ANKRD36: variants seen among roughly 807,000 people sequenced by gnomAD.
The protein encoded by ANKRD36 is ankyrin repeat domain 36, also known as ankyrin repeat domain-containing protein 36A.
In ANKRD36, 179 loss-of-function variants were observed where a neutral mutation model predicts 278.1. The observed-to-expected ratio is 0.64, with a 90% CI of 0.57 to 0.73. The LOEUF (loss-of-function observed/expected upper bound fraction) is 0.73, where lower values mean the gene tolerates loss of function less well. Ranked by LOEUF, ANKRD36 falls within the 30% of genes least tolerant of loss-of-function variation. ANKRD36 has a pLI of 0.00. For synonymous variants in ANKRD36, 320 were observed against 641.1 expected, an observed-to-expected ratio of 0.50 and a Z score of 7.57; for missense variants, 1,159 against 1,956.7, an observed-to-expected ratio of 0.59 and a Z score of 7.69.
At chr2:97,211,050 T>C (rs1428853190) in intron 56 of ANKRD36, among the ~76,000 whole-genome samples, 2 of 151,868 alleles carry the variant, frequency 1.3e-5, no homozygotes, top group Non-Finnish European at 2.9e-5. Context: ...ACTGAAGAGA[T>C]GTGAAGTGTA....
At chr2:97,185,222 A>G (rs2057139671) in intron 28 of ANKRD36, 94 bp from the exon 29 acceptor site, 1 of 1,499,098 alleles carries the variant, frequency 6.7e-7, no homozygotes, top group Non-Finnish European at 9.2e-7. Flanking sequence ...TAATACAGGC[A>G]GGAGCATACA....
chr2:97,231,785 A>G (rs1291066052), intron 67 of ANKRD36, among the ~76,000 whole-genome samples: 4 of 152,128 alleles, frequency 2.6e-5, no homozygotes, highest in African/African-American at 9.6e-5. Flanking sequence ...TGGCTGCCAG[A>G]CAAAGAATTT....
chr2:97,198,118 C>T (rs1261567965), intron 42 of ANKRD36, among the ~76,000 whole-genome samples: 1 of 151,900 alleles, frequency 6.6e-6, no homozygotes, highest in Admixed American at 6.6e-5. Context: ...GTAGCACCTG[C>T]TTTGACATTG....
chr2:97,192,937 A>G, intron 37 of ANKRD36, 44 bp from the exon 38 acceptor site: 1 of 1,595,164 alleles, frequency 6.3e-7, no homozygotes, highest in Non-Finnish European at 8.5e-7. Flanking sequence ...TGGTCTATGA[A>G]ACATACTTTA....
In ANKRD36 at chr2:97,113,695, G is replaced by A. The variant is rs1411713683; in HGVS notation, c.-45G>A. ...TCTTCGGAGGCGGCGATCCCCGAAGGCGAGCTGAAATACGGCTGCAGGCTA... is the reference window on the plus strand; with the variant it reads ...TCTTCGGAGGCGGCGATCCCCGAAGACGAGCTGAAATACGGCTGCAGGCTA... On this transcript the variant is annotated 5_prime_UTR_variant, in exon 1 of 76. Transcript: ENST00000420699. 1.2e-6 allele frequency: 2 copies of A among 1,610,512 alleles called. No homozygotes were observed. The highest frequency in any genetic ancestry group is 1.3e-5 in the African/African-American group (1 of 74,808).
intron 22 of ANKRD36, among the ~76,000 whole-genome samples, chr2:97,178,471 A>C (rs1228120648): frequency 1.3e-5 from 2 of 151,882 alleles, no homozygotes; most frequent in African/African-American, 4.8e-5. Context: ...AATGTGGCAC[A>C]TATACACCAT....
chr2:97,229,596 G>C (rs1189511764), intron 67 of ANKRD36, among the ~76,000 whole-genome samples: 1 of 152,072 alleles, frequency 6.6e-6, no homozygotes, highest in Non-Finnish European at 1.5e-5. Context: ...TATCCAATTT[G>C]CCAGTCTGTG....
intron 58 of ANKRD36, chr2:97,213,127 T>A (rs2065106314): frequency 2.6e-6 from 1 of 385,240 alleles, no homozygotes; most frequent in African/African-American, 2.1e-5. Flanking sequence ...TTAGATCACA[T>A]TTGTCCTCAT....
chr2:97,151,925 G>C lies in ANKRD36; in HGVS notation c.1148G>C (p.Arg383Pro). Residue 383 changes from arginine to proline, a missense_variant, in exon 13 of 76, where the codon CGA (arginine) becomes CCA (proline). Transcript: ENST00000420699. Reference sequence around the variant, plus strand: ...CCAAAGAGAAAGATTATTTCTCCACGATCTATAAAAGATGGTAAGTTATTT... The same window carrying C: ...CCAAAGAGAAAGATTATTTCTCCACCATCTATAAAAGATGGTAAGTTATTT... ...YIPKRKIISP[R>P]SIKDVLPPVE... The C allele has an allele frequency of 6.9e-7, 1 of 1,451,198 alleles. No homozygotes were observed. Among genetic ancestry groups the C allele is most frequent in the South Asian group, 1.2e-5 (1 of 80,866 alleles). 89.9% of individuals were successfully genotyped at this position (1,451,198 alleles called of 1,614,324 possible). A position where few individuals can be genotyped will look rare whatever the true frequency, so the allele number is the denominator to read the frequency against.
At chr2:97,197,457 A>G (rs1462885880) in intron 42 of ANKRD36, among the ~76,000 whole-genome samples, 1 of 151,964 alleles carries the variant, frequency 6.6e-6, no homozygotes, top group Non-Finnish European at 1.5e-5. Flanking sequence ...TGTTACTGTT[A>G]GACATCAGAG....
intron 67 of ANKRD36, among the ~76,000 whole-genome samples, chr2:97,231,565 C>A (rs1438327241): frequency 6.6e-6 from 1 of 152,132 alleles, no homozygotes; most frequent in African/African-American, 2.4e-5. Context: ...GGAAAGGGAA[C>A]TCCCTGACCC....
intron 54 of ANKRD36, among the ~76,000 whole-genome samples, chr2:97,208,683 A>C (rs1364289404): frequency 1.4e-5 from 2 of 146,590 alleles, no homozygotes; most frequent in Non-Finnish European, 3.0e-5. Context: ...GAGGCATCAG[A>C]GATACATGTT....
intron 54 of ANKRD36, among the ~76,000 whole-genome samples, chr2:97,209,181 G>T (rs1247675630): frequency 6.8e-6 from 1 of 146,596 alleles, no homozygotes; most frequent in Non-Finnish European, 1.5e-5. Context: ...TTCCACTGAA[G>T]AGATGTGAAG....
chr2:97,168,269 T>C (rs1171528183), intron 22 of ANKRD36, among the ~76,000 whole-genome samples: 1 of 152,284 alleles, frequency 6.6e-6, no homozygotes, highest in African/African-American at 2.4e-5. Context: ...GCGCTTTTGT[T>C]TGTGAGTTTG....
intron 46 of ANKRD36, 110 bp downstream of exon 46, chr2:97,200,635 C>G (rs1229143608): frequency 2.6e-5 from 38 of 1,467,120 alleles, no homozygotes; most frequent in Non-Finnish European, 3.1e-5. Flanking sequence ...ATTCACCAAG[C>G]TTGAGATTCT....
chr2:97,202,526 G>C (rs2061675982), intron 48 of ANKRD36, 133 bp downstream of exon 48: 8 of 1,407,166 alleles, frequency 5.7e-6, no homozygotes, highest in Non-Finnish European at 7.6e-6. Context: ...TTCATTTGTA[G>C]TAAGTTCTTG....
At chr2:97,186,824 TAA>T (rs921602083) in intron 30 of ANKRD36, among the ~76,000 whole-genome samples, 2 of 151,872 alleles carry the variant, frequency 1.3e-5, no homozygotes, top group African/African-American at 4.8e-5. Context: ...ATATCTTGCA[TAA>T]AAGACATGTG....
intron 12 of ANKRD36, among the ~76,000 whole-genome samples, chr2:97,151,654 A>G (rs545989760): frequency 1.0e-4 from 16 of 152,400 alleles, no homozygotes; most frequent in African/African-American, 3.6e-4. Context: ...ATAATAATCA[A>G]CATGGGTTGA....
intron 1 of ANKRD36, among the ~76,000 whole-genome samples, chr2:97,117,526 A>C (rs559340152): frequency 1.3e-5 from 2 of 152,228 alleles, no homozygotes; most frequent in African/African-American, 4.8e-5. Context: ...TTAATATATA[A>C]GAGAATAGTA....
Sources: gnomAD v4.1 joint callset for allele counts (sites outside exome capture counted in the v4.1 genomes callset) on GRCh38, gnomAD v4.1.1 for gene constraint, MANE v1.5 for transcripts, NCBI Gene and HGNC (gene_info 2026-07-23, HGNC 2026-07-21) for gene names.